The following SNED1 variants were observed in gnomAD, a reference collection of about 807,000 sequenced individuals.
SNED1 encodes sushi, nidogen and EGF like domains 1, also known as sushi, nidogen and EGF-like domain-containing protein 1.
SNED1 carries 81 observed loss-of-function variants against 166.7 expected under a neutral mutation model. That is an observed-to-expected ratio of 0.49 (90% CI 0.41 to 0.58). The LOEUF (loss-of-function observed/expected upper bound fraction) is 0.58. SNED1 is among the 20% of genes least tolerant of loss of function. The pLI is 0.00. For missense variants in SNED1, 1,604 were observed against 2,000.2 expected (o/e 0.80, Z 3.78); for synonymous variants, 762 against 822.0 (o/e 0.93, Z 1.25).
At chr2:241,078,160 A>T (rs534461063) in intron 27 of SNED1, among the ~76,000 whole-genome samples, 1 of 150,954 alleles carries the variant, frequency 6.6e-6, no homozygotes, top group African/African-American at 2.5e-5. Context: ...CGAGGCGGGC[A>T]GATCACCAGG....
chr2:241,087,307 A>C, intron 29 of SNED1, 85 bp from the exon 30 acceptor site: 2 of 1,291,588 alleles, frequency 1.5e-6, no homozygotes, highest in South Asian at 3.0e-5. Context: ...CTTCAGGTTT[A>C]CTGTGGGTTC....
intron 1 of SNED1, chr2:241,016,113 G>T (rs1410046601): frequency 1.3e-5 from 2 of 151,452 alleles, no homozygotes; most frequent in African/African-American, 4.8e-5. Context: ...TTAATTTAAT[G>T]GCAAATTAAA....
chr2:241,086,443 T>C (rs947676774), intron 29 of SNED1, among the ~76,000 whole-genome samples: 1 of 152,194 alleles, frequency 6.6e-6, no homozygotes, highest in Non-Finnish European at 1.5e-5. Flanking sequence ...GACCACTGCT[T>C]GGATCCCCTT....
intron 8 of SNED1, among the ~76,000 whole-genome samples, chr2:241,043,551 A>G (rs73110174): frequency 0.093 from 12,174 of 131,350 alleles, 890 homozygotes; most frequent in African/African-American, 0.22. Flanking sequence ...ACTGGTACCA[A>G]GGGAAAATCT....
chr2:241,062,428 C>CTG (rs1168676314), intron 16 of SNED1, among the ~76,000 whole-genome samples: 2 of 152,222 alleles, frequency 1.3e-5, no homozygotes, highest in African/African-American at 4.8e-5. Flanking sequence ...CCCAGATGGA[C>CTG]TGGTTTCACA....
intron 8 of SNED1, among the ~76,000 whole-genome samples, chr2:241,046,259 G>C (rs1198604080): frequency 6.6e-6 from 1 of 152,160 alleles, no homozygotes; most frequent in African/African-American, 2.4e-5. Context: ...TTTTTTATAA[G>C]GTTAAGTATA....
chr2:241,044,613 C>G (rs1227045681), intron 8 of SNED1, among the ~76,000 whole-genome samples: 1 of 152,206 alleles, frequency 6.6e-6, no homozygotes, highest in Non-Finnish European at 1.5e-5. Context: ...AGTGGGCATC[C>G]ACACGGACAG....
chr2:241,024,179 A>G (rs955296539), intron 1 of SNED1, among the ~76,000 whole-genome samples: 2 of 143,028 alleles, frequency 1.4e-5, no homozygotes, highest in African/African-American at 2.6e-5. Context: ...ACCATGCCCA[A>G]CCTTATTCAT....
intron 16 of SNED1, among the ~76,000 whole-genome samples, chr2:241,056,783 G>A (rs560793774): frequency 1.2e-3 from 187 of 151,450 alleles, no homozygotes; most frequent in African/African-American, 4.2e-3. Flanking sequence ...GGGTTTCACC[G>A]TGTTAGCCAG....
At chr2:241,042,622 A>T (rs2061549073) in intron 8 of SNED1, among the ~76,000 whole-genome samples, 1 of 152,208 alleles carries the variant, frequency 6.6e-6, no homozygotes, top group African/African-American at 2.4e-5. Context: ...TATTATGAAT[A>T]TGCTCCTATA....
At chr2:241,029,100 C>T (rs1038430640) in intron 1 of SNED1, among the ~76,000 whole-genome samples, 3 of 152,214 alleles carry the variant, frequency 2.0e-5, no homozygotes, top group Non-Finnish European at 4.4e-5. Flanking sequence ...TTTCTAAAAG[C>T]ATGGTTCTGG....
chr2:241,038,489 A>G (rs1411759941), intron 6 of SNED1, among the ~76,000 whole-genome samples: 1 of 152,240 alleles, frequency 6.6e-6, no homozygotes, highest in East Asian at 1.9e-4. Context: ...CACAATTCCC[A>G]CCTGGCGAGA....
At chr2:241,062,385 A>T (rs1371290432) in intron 16 of SNED1, among the ~76,000 whole-genome samples, 1 of 152,248 alleles carries the variant, frequency 6.6e-6, no homozygotes, top group African/African-American at 2.4e-5. Flanking sequence ...TTGAAAAGAA[A>T]GCTGTGGTGA....
In SNED1 at chr2:240,998,983, G is replaced by C; in HGVS notation, c.146G>C (p.Gly49Ala). The change falls in exon 1 of 32, where the codon GGC (glycine) becomes GCC (alanine). Residue 49 changes from glycine (G) to alanine (A), a missense_variant. This residue lies in a region of SNED1 where 1,237 missense variants were observed against 1,620.8 expected (regional missense o/e 0.76). Transcript: ENST00000310397. ...GDAVTPKQDD[G>A]GSGLRPLSVP... Reference sequence around the variant, plus strand: ...GCCGTCACCCCCAAGCAGGACGACGGCGGCTCGGGGCTGCGGCCGCTCTCG... The same window carrying C: ...GCCGTCACCCCCAAGCAGGACGACGCCGGCTCGGGGCTGCGGCCGCTCTCG... 1 of 1,326,854 alleles carries C rather than the reference G, an allele frequency of 7.5e-7. No homozygotes were observed. The allele number at this position is 1,326,854 out of a possible 1,614,324, so 82.2% of individuals were successfully genotyped here. A position where few individuals can be genotyped will look rare whatever the true frequency, so the allele number is the denominator to read the frequency against.
chr2:241,041,049 CA>C, intron 8 of SNED1: 2 of 354,928 alleles, frequency 5.6e-6, no homozygotes, highest in South Asian at 4.4e-5. Context: ...ATGCTAAAGA[CA>C]AACTATTCAG....
intron 3 of SNED1, 123 bp downstream of exon 3, chr2:241,033,998 C>A: frequency 8.5e-7 from 1 of 1,171,110 alleles, no homozygotes; most frequent in Non-Finnish European, 1.2e-6. Context: ...GTGCAGAGGC[C>A]AACGAGAGAC....
intron 1 of SNED1, among the ~76,000 whole-genome samples, chr2:241,026,791 T>G (rs2060984658): frequency 6.6e-6 from 1 of 152,254 alleles, no homozygotes. Context: ...AATGTGTGGT[T>G]CAATGATTAA....
At chr2:241,042,535 A>C (rs12998638) in intron 8 of SNED1, among the ~76,000 whole-genome samples, 1 of 152,228 alleles carries the variant, frequency 6.6e-6, no homozygotes, top group Non-Finnish European at 1.5e-5. Context: ...CATATAACTC[A>C]CAGTCAGGAG....
At position 241,073,612 on chromosome 2, in the gene SNED1, T is replaced by G. The variant is rs2062858005; in HGVS notation, c.3916+248T>G. 1.8e-6 allele frequency: 1 copy of G among 545,704 alleles called. No homozygotes were observed. The highest frequency in any genetic ancestry group is 3.1e-5 in the Admixed American group (1 of 32,032). The allele number at this position is 545,704 out of a possible 1,614,324, so 33.8% of individuals were successfully genotyped here. A position where few individuals can be genotyped will look rare whatever the true frequency, so the allele number is the denominator to read the frequency against. The stretch of plus-strand genomic sequence containing the variant: ...CACCCAAACCACCCAGAGTCTGAGC[T>G]AGAGAGACTGGCTTTGATGCTGCCT... On this transcript the variant is annotated intron_variant, in intron 27 of 31. Transcript: ENST00000310397. This position sits in a 1 kb window ranked among gnomAD's most constrained non-coding sequence, Gnocchi z 6.6.
Sources: allele counts gnomAD v4.1 joint callset (sites outside exome capture counted in the v4.1 genomes callset), GRCh38; gene constraint gnomAD v4.1.1; regional missense constraint gnomAD v4.1.1; non-coding constraint Gnocchi (gnomAD v3.1); transcripts MANE v1.5; gene names NCBI Gene and HGNC (gene_info 2026-07-23, HGNC 2026-07-21).